SPAG16: variants seen among roughly 807,000 people sequenced by gnomAD.
SPAG16 encodes sperm-associated antigen 16 protein.
A neutral mutation model predicts 80.4 loss-of-function variants in SPAG16; 86 were observed. That is an observed-to-expected ratio of 1.07 (90% confidence interval 0.90 to 1.28). The LOEUF (loss-of-function observed/expected upper bound fraction) is 1.28. Among genes scored for constraint, SPAG16 ranks in the 50% most tolerant of loss-of-function variants. The probability of loss-of-function intolerance (pLI) is 0.00; values close to 1 mark genes in which losing one functional copy is unlikely to be tolerated. For missense variants in SPAG16, 870 were observed against 765.3 expected (o/e 1.14, Z -1.61); for synonymous variants, 294 against 265.9 (o/e 1.11, Z -1.03).
intron 15 of SPAG16, among the ~76,000 whole-genome samples, chr2:214,342,243 G>A (rs1311600677): frequency 2.0e-5 from 3 of 152,138 alleles, no homozygotes; most frequent in Admixed American, 6.5e-5. Flanking sequence ...CAAAGCAGGG[G>A]TTCCCAAACC....
chr2:214,178,725 G>A (rs2057212714), intron 15 of SPAG16, among the ~76,000 whole-genome samples: 1 of 151,126 alleles, frequency 6.6e-6, no homozygotes, highest in Non-Finnish European at 1.5e-5. Context: ...AAATATTAAA[G>A]TAATATTTCT....
intron 10 of SPAG16, among the ~76,000 whole-genome samples, chr2:213,558,796 A>G (rs1386258502): frequency 1.3e-5 from 2 of 152,120 alleles, no homozygotes; most frequent in African/African-American, 4.8e-5. Context: ...GAATGGTACA[A>G]TGAGCCTCCA....
intron 10 of SPAG16, among the ~76,000 whole-genome samples, chr2:213,543,570 C>A (rs2076522941): frequency 6.6e-6 from 1 of 151,724 alleles, no homozygotes; most frequent in South Asian, 2.1e-4. Flanking sequence ...ATATTTAATT[C>A]TTCTGCATCC....
chr2:214,270,726 A>G (rs1691930879), intron 15 of SPAG16, among the ~76,000 whole-genome samples: 1 of 152,110 alleles, frequency 6.6e-6, no homozygotes, highest in Non-Finnish European at 1.5e-5. Context: ...TTGTCTCCAT[A>G]GCGCCCTACA....
intron 10 of SPAG16, among the ~76,000 whole-genome samples, chr2:213,728,092 G>A (rs540529448): frequency 6.6e-6 from 1 of 152,086 alleles, no homozygotes; most frequent in Non-Finnish European, 1.5e-5. Flanking sequence ...CAGGTGATCT[G>A]CCTGCCTCGG....
chr2:214,398,546 C>T (rs1174882995), intron 15 of SPAG16, among the ~76,000 whole-genome samples: 1 of 152,160 alleles, frequency 6.6e-6, no homozygotes, highest in African/African-American at 2.4e-5. Context: ...AGTGGGCTAG[C>T]AGATGAAGAG....
chr2:213,459,578 G>T (rs1212218723), intron 9 of SPAG16, among the ~76,000 whole-genome samples: 1 of 152,162 alleles, frequency 6.6e-6, no homozygotes, highest in Non-Finnish European at 1.5e-5. Context: ...AAACCATGGG[G>T]TGATCACTGG....
At chr2:214,389,543 G>T (rs1015229025) in intron 15 of SPAG16, among the ~76,000 whole-genome samples, 4 of 152,190 alleles carry the variant, frequency 2.6e-5, no homozygotes, top group Non-Finnish European at 5.9e-5. Flanking sequence ...AAATCAACTG[G>T]CCTCTTTGAC....
chr2:213,929,565 T>C (rs2078654664), intron 11 of SPAG16, among the ~76,000 whole-genome samples: 1 of 152,236 alleles, frequency 6.6e-6, no homozygotes, highest in South Asian at 2.1e-4. Flanking sequence ...TACTGTTTCA[T>C]ATTGTATTAT....
intron 10 of SPAG16, among the ~76,000 whole-genome samples, chr2:213,750,876 A>G (rs192604938): frequency 4.3e-4 from 66 of 152,294 alleles, no homozygotes; most frequent in Middle Eastern, 3.4e-3. Flanking sequence ...CATCCTCATC[A>G]TAACAGCTTC....
chr2:214,174,169 C>T (rs1341203102), intron 15 of SPAG16, among the ~76,000 whole-genome samples: 3 of 152,006 alleles, frequency 2.0e-5, no homozygotes, highest in African/African-American at 7.2e-5. Flanking sequence ...AAAACTGGCA[C>T]AAGACAGGGA....
intron 10 of SPAG16, among the ~76,000 whole-genome samples, chr2:213,519,942 G>A (rs2075593752): frequency 6.6e-6 from 1 of 152,088 alleles, no homozygotes; most frequent in Non-Finnish European, 1.5e-5. Flanking sequence ...ATTAGCATGA[G>A]CCCTAATGCA....
At chr2:213,328,903 G>A (rs868536631) in intron 5 of SPAG16, among the ~76,000 whole-genome samples, 4 of 152,132 alleles carry the variant, frequency 2.6e-5, no homozygotes, top group African/African-American at 7.2e-5. Context: ...AATCATGGGG[G>A]CAGGTCTTTC....
At chr2:214,081,683 T>C (rs2051401066) in intron 13 of SPAG16, among the ~76,000 whole-genome samples, 1 of 152,180 alleles carries the variant, frequency 6.6e-6, no homozygotes, top group Admixed American at 6.5e-5. Context: ...AAAATTCATT[T>C]CTGTTGTTTT....
chr2:213,671,843 A>G (rs759277730), intron 10 of SPAG16, among the ~76,000 whole-genome samples: 1 of 152,204 alleles, frequency 6.6e-6, no homozygotes, highest in Non-Finnish European at 1.5e-5. Context: ...CCAGGATATC[A>G]TTAATGTCAC....
chr2:214,045,976 G>A (rs558208912), intron 13 of SPAG16, among the ~76,000 whole-genome samples: 2 of 152,136 alleles, frequency 1.3e-5, no homozygotes, highest in African/African-American at 4.8e-5. Context: ...GTAAAAAAGA[G>A]AGAAGATGCA....
chr2:214,046,664 A>G (rs1270108062), intron 13 of SPAG16, among the ~76,000 whole-genome samples: 1 of 152,198 alleles, frequency 6.6e-6, no homozygotes, highest in Non-Finnish European at 1.5e-5. Context: ...CCGTTATTCA[A>G]CATAGTGCTG....
chr2:214,176,824 G>GTT (rs2057100705), intron 15 of SPAG16, among the ~76,000 whole-genome samples: 1 of 150,466 alleles, frequency 6.6e-6, no homozygotes, highest in Non-Finnish European at 1.5e-5. Flanking sequence ...GTGTGTGTGT[G>GTT]TTTTATATAT....
chr2:214,250,757 T>TAGAGAGAGAGAGAG (rs1171199832), intron 15 of SPAG16, among the ~76,000 whole-genome samples: 8 of 91,284 alleles, frequency 8.8e-5, no homozygotes, highest in African/African-American at 2.0e-4. Context: ...TATATATATA[T>TAGAGAGAGAGAGAG]AGAGAGAGAG....
Sources: gnomAD v4.1 joint callset for allele counts (sites outside exome capture counted in the v4.1 genomes callset) on GRCh38, gnomAD v4.1.1 for gene constraint, MANE v1.5 for transcripts, NCBI Gene and HGNC (gene_info 2026-07-23, HGNC 2026-07-21) for gene names.